Variants in WNK2 observed in about 807,000 individuals in gnomAD.
WNK2 encodes serine/threonine-protein kinase WNK2.
In WNK2, 67 loss-of-function variants were observed where a neutral mutation model predicts 192.1. The observed-to-expected ratio is 0.35, with a 90% CI of 0.29 to 0.43. The LOEUF is 0.43. Among genes scored for constraint, WNK2 ranks in the 20% least tolerant of loss-of-function variants. WNK2 has a pLI of 1.00. For missense variants in WNK2, 2,698 were observed against 3,089.7 expected (o/e 0.87, Z 3.01); for synonymous variants, 1,439 against 1,393.9 (o/e 1.03, Z -0.72).
Position 93,298,786 on chromosome 9 carries a change from G to C in WNK2, c.5924-284G>C, listed in dbSNP as rs1300087645. ...CAGTTCCCAGAGCTAAGGGAAGACT[G>C]AGATGAGAAGTACACAGGCCACTGT... On this transcript the variant is annotated intron_variant, in intron 24 of 29. Coordinates refer to ENST00000427277, the MANE Select transcript of WNK2 (RefSeq NM_006648.4). 2.6e-5 allele frequency among the ~76,000 whole-genome samples: 4 copies of C among 152,358 alleles called. No homozygotes were observed. The East Asian group carries it at 7.7e-4, about 29-fold the overall frequency.
At chr9:93,265,544 G>T (rs574849197) in intron 16 of WNK2, among the ~76,000 whole-genome samples, 1 of 152,228 alleles carries the variant, frequency 6.6e-6, no homozygotes, top group Non-Finnish European at 1.5e-5. Flanking sequence ...GTTCGTCAGC[G>T]CAGCACAAAC....
At chr9:93,285,602 A>G in intron 19 of WNK2, among the ~76,000 whole-genome samples, 1 of 152,262 alleles carries the variant, frequency 6.6e-6, no homozygotes, top group East Asian at 1.9e-4. Flanking sequence ...TATGTACCAT[A>G]TTCATGGACT....
chr9:93,317,255 C>A, intron 28 of WNK2: 1 of 571,424 alleles, frequency 1.8e-6, no homozygotes. Flanking sequence ...AGTCCTCCTC[C>A]AAGTCCCATT....
chr9:93,292,906 C>A lies in WNK2; in HGVS notation c.5441C>A (p.Pro1814His). 6.6e-7 allele frequency: 1 copy of A among 1,522,550 alleles called. No homozygotes were observed. The allele number at this position is 1,522,550 out of a possible 1,614,324, so 94.3% of individuals were successfully genotyped here. A position where few individuals can be genotyped will look rare whatever the true frequency, so the allele number is the denominator to read the frequency against. The change falls in exon 23 of 30, where the codon CCT (proline) becomes CAT (histidine). Residue 1814 changes from proline (P) to histidine (H), a missense_variant. Around this residue, in one of 7 missense-constraint regions of WNK2, gnomAD observed 1,098 missense variants for 1,101.0 expected, o/e 1.00. Transcript: ENST00000427277. The part of the protein sequence containing the change: ...PVSSDSGDEG[P>H]RARPPVQKQA... ...TCCAGCGACTCTGGGGACGAGGGCCCTCGGGCGAGACCCCCGGTGCAGAAG... is the reference window on the plus strand; with the variant it reads ...TCCAGCGACTCTGGGGACGAGGGCCATCGGGCGAGACCCCCGGTGCAGAAG...
At chr9:93,281,686 A>C (rs1253049460) in intron 19 of WNK2, among the ~76,000 whole-genome samples, 2 of 152,166 alleles carry the variant, frequency 1.3e-5, no homozygotes, top group African/African-American at 4.8e-5. Flanking sequence ...CAAACTCTGT[A>C]AGTTAAAAAA....
chr9:93,220,116 G>A (rs1162086700), intron 2 of WNK2, among the ~76,000 whole-genome samples: 1 of 152,210 alleles, frequency 6.6e-6, no homozygotes, highest in African/African-American at 2.4e-5. Context: ...TGCTTGATCT[G>A]CAGTGGGCCA....
At chr9:93,220,480 G>A (rs1231567331) in intron 2 of WNK2, among the ~76,000 whole-genome samples, 1 of 152,166 alleles carries the variant, frequency 6.6e-6, no homozygotes, top group Non-Finnish European at 1.5e-5. Flanking sequence ...TTCCTGTTTT[G>A]TGAAGGGGGA....
intron 16 of WNK2, 33 bp from the exon 17 acceptor site, chr9:93,267,713 G>A: frequency 6.5e-7 from 1 of 1,531,310 alleles, no homozygotes; most frequent in Non-Finnish European, 8.8e-7. Flanking sequence ...TGGCCTTGCA[G>A]CTGGTCCTCA....
chr9:93,263,665 C>G lies in WNK2; in HGVS notation c.3510C>G (p.His1170Gln), dbSNP rs1264009132. 6.3e-7 allele frequency: 1 copy of G among 1,594,918 alleles called. No individual in the cohort carries two copies. The highest frequency in any genetic ancestry group is 1.3e-5 in the African/African-American group (1 of 74,326). Residue 1170 changes from histidine to glutamine, a missense_variant, in exon 15 of 30, where the codon CAC (histidine) becomes CAG (glutamine). Around this residue, in one of 7 missense-constraint regions of WNK2, gnomAD observed 893 missense variants for 909.0 expected, o/e 0.98. Transcript: ENST00000427277. Reference protein sequence around the residue: ...GRLEGRAARKHHRRSTRARSR... With the variant: ...GRLEGRAARKQHRRSTRARSR... ...TGGAGGGCAGGGCAGCCCGAAAACACCACCGCAGGTCCACGCGTGCGCGCT... is the reference window on the plus strand; with the variant it reads ...TGGAGGGCAGGGCAGCCCGAAAACAGCACCGCAGGTCCACGCGTGCGCGCT...
At chr9:93,287,307 G>C (rs991507258) in intron 19 of WNK2, among the ~76,000 whole-genome samples, 3 of 152,168 alleles carry the variant, frequency 2.0e-5, no homozygotes, top group Non-Finnish European at 2.9e-5. Flanking sequence ...AGCTAAAGGG[G>C]ATCAGTGACC....
At position 93,290,037 on chromosome 9, in the gene WNK2, G is replaced by A. The variant is rs567234521; in HGVS notation, c.4926G>A (p.Ser1642=). ...CCGTGATGGAGCAGGGCACGTCCTC[G>A]TCAATGACAGGTAACAGCTTCCTGC... ...RGAVMEQGTS[S]SMTAESSPRS... The change falls in exon 21 of 30, where the codon TCG becomes TCA. Residue 1642 remains serine (S), a synonymous_variant. Coordinates refer to ENST00000427277, the MANE Select transcript of WNK2 (RefSeq NM_006648.4). 1.7e-5 allele frequency: 26 copies of A among 1,571,664 alleles called. No homozygotes were observed. The highest frequency in any genetic ancestry group is 7.0e-5 in the East Asian group (3 of 42,856).
intron 19 of WNK2, among the ~76,000 whole-genome samples, chr9:93,274,017 C>G (rs1199792146): frequency 6.6e-6 from 1 of 152,142 alleles, no homozygotes; most frequent in Non-Finnish European, 1.5e-5. Context: ...GTCAATGACT[C>G]AACCTTCTAC....
chr9:93,196,501 T>C (rs1417454361), intron 2 of WNK2, among the ~76,000 whole-genome samples: 1 of 152,142 alleles, frequency 6.6e-6, no homozygotes, highest in Non-Finnish European at 1.5e-5. Flanking sequence ...ATGGCTACAG[T>C]AGGGCTGCCA....
chr9:93,299,835 C>G (rs1329155382), intron 25 of WNK2, among the ~76,000 whole-genome samples: 1 of 149,846 alleles, frequency 6.7e-6, no homozygotes, highest in Non-Finnish European at 1.5e-5. Flanking sequence ...CCGCCCACCC[C>G]ACCCTGCCCG....
Position 93,292,801 on chromosome 9 carries a change from C to T in WNK2, c.5336C>T (p.Pro1779Leu). 6.5e-7 allele frequency: 1 copy of T among 1,542,886 alleles called. No homozygotes were observed. The highest frequency in any genetic ancestry group is 8.7e-7 in the Non-Finnish European group (1 of 1,144,262). Residue 1779 changes from proline (P) to leucine (L), a missense_variant, in exon 23 of 30, where the codon CCC becomes CTC. Coordinates refer to ENST00000427277, the MANE Select transcript of WNK2 (RefSeq NM_006648.4). The stretch of plus-strand genomic sequence containing the variant: ...CCCGACGTCTACCTGGACGAGGCCC[C>T]CTCCAGCCCCGACGTGAAGCTGGCA... ...APPDVYLDEA[P>L]SSPDVKLAVR...
chr9:93,315,678 G>C (rs1854517656), intron 28 of WNK2: 1 of 152,078 alleles, frequency 6.6e-6, no homozygotes, highest in African/African-American at 2.4e-5. Context: ...CTTCAGACAT[G>C]CTGCAATAAG....
chr9:93,304,024 C>G (rs1434250880), intron 26 of WNK2, among the ~76,000 whole-genome samples: 2 of 152,150 alleles, frequency 1.3e-5, no homozygotes, highest in Non-Finnish European at 2.9e-5. Flanking sequence ...TGGGCTGCCC[C>G]AGCTGTCCCG....
chr9:93,271,171 A>G (rs1024551331), intron 19 of WNK2, among the ~76,000 whole-genome samples: 1 of 152,232 alleles, frequency 6.6e-6, no homozygotes, highest in Non-Finnish European at 1.5e-5. Flanking sequence ...AGATGAGATT[A>G]GTACTGGGAA....
chr9:93,267,691 C>G, intron 16 of WNK2, 55 bp from the exon 17 acceptor site: 2 of 1,502,222 alleles, frequency 1.3e-6, no homozygotes, highest in Non-Finnish European at 1.8e-6. Flanking sequence ...AGATGAAGAC[C>G]TAGGGTGGTC....
Sources: allele counts gnomAD v4.1 joint callset (sites outside exome capture counted in the v4.1 genomes callset), GRCh38; gene constraint gnomAD v4.1.1; regional missense constraint gnomAD v4.1.1; transcripts MANE v1.5; gene names NCBI Gene and HGNC (gene_info 2026-07-23, HGNC 2026-07-21).